The following CDYL2 variants were observed in gnomAD, a reference collection of about 807,000 sequenced individuals.
The protein encoded by CDYL2 is chromodomain Y like 2, also known as chromodomain Y-like protein 2.
A neutral mutation model predicts 49.4 loss-of-function variants in CDYL2; 23 were observed. That is an observed-to-expected ratio of 0.47 (90% CI 0.34 to 0.66). The LOEUF (loss-of-function observed/expected upper bound fraction) is 0.66. Ranked by LOEUF, CDYL2 falls within the 30% of genes least tolerant of loss-of-function variation. The probability of loss-of-function intolerance (pLI) is 0.01; values close to 1 mark genes in which losing one functional copy is unlikely to be tolerated. For missense variants in CDYL2, 678 were observed against 656.4 expected, an observed-to-expected ratio of 1.03 and a Z score of -0.36; for synonymous variants, 360 against 268.8, an observed-to-expected ratio of 1.34 and a Z score of -3.32.
At chr16:80,634,438 T>C (rs777165980) in intron 2 of CDYL2, among the ~76,000 whole-genome samples, 73 of 152,224 alleles carry the variant, frequency 4.8e-4, no homozygotes, top group Non-Finnish European at 9.0e-4. Context: ...TAGGTGGGAA[T>C]TGAACAATGA....
intron 4 of CDYL2, among the ~76,000 whole-genome samples, chr16:80,618,260 C>A (rs1167890231): frequency 1.3e-5 from 2 of 152,176 alleles, no homozygotes; most frequent in Non-Finnish European, 2.9e-5. Context: ...AAGTCAGGAG[C>A]CAGTTTGGGC....
intron 1 of CDYL2, among the ~76,000 whole-genome samples, chr16:80,803,894 T>C (rs1386178964): frequency 7.0e-6 from 1 of 143,482 alleles, no homozygotes; most frequent in Admixed American, 6.9e-5. Context: ...GCAAAGTAGA[T>C]GGAGTAAGAG....
chr16:80,796,193 T>A (rs773721336), intron 1 of CDYL2, among the ~76,000 whole-genome samples: 2 of 152,230 alleles, frequency 1.3e-5, no homozygotes, highest in African/African-American at 4.8e-5. Flanking sequence ...GCTGTCCACA[T>A]CTGGAATTTC....
chr16:80,715,232 C>A (rs1904756803), intron 1 of CDYL2, among the ~76,000 whole-genome samples: 1 of 152,112 alleles, frequency 6.6e-6, no homozygotes, highest in Non-Finnish European at 1.5e-5. Context: ...CTGACGTGGG[C>A]TCCACAGCAC....
intron 1 of CDYL2, among the ~76,000 whole-genome samples, chr16:80,757,968 T>C (rs758563435): frequency 6.6e-6 from 1 of 152,096 alleles, no homozygotes; most frequent in African/African-American, 2.4e-5. Flanking sequence ...GTGTAGTCAA[T>C]AAAACTTCGA....
chr16:80,783,080 G>C (rs150821072), intron 1 of CDYL2, among the ~76,000 whole-genome samples: 4 of 152,128 alleles, frequency 2.6e-5, no homozygotes, highest in African/African-American at 9.6e-5. Context: ...GTGCATCAAA[G>C]GACGTTGTTA....
chr16:80,662,439 T>C (rs1019521697), intron 2 of CDYL2, among the ~76,000 whole-genome samples: 1 of 152,160 alleles, frequency 6.6e-6, no homozygotes, highest in African/African-American at 2.4e-5. Flanking sequence ...TTCTGCACAT[T>C]CTTCCAGAGC....
chr16:80,648,989 A>G (rs1462702627), intron 2 of CDYL2, among the ~76,000 whole-genome samples: 1 of 152,136 alleles, frequency 6.6e-6, no homozygotes, highest in Non-Finnish European at 1.5e-5. Context: ...GAAGGAATAT[A>G]CCTCAACATA....
Position 80,599,538 on chromosome 16 carries a change from T to C in CDYL2, c.*4850A>G, listed in dbSNP as rs559189811. On this transcript the variant is annotated 3_prime_UTR_variant, in exon 7 of 7. Transcript: ENST00000570137. Reference sequence around the variant, plus strand: ...TGTCCTGCTAAACTCCAGTTTAGTATGGCTTGATACACATAGTTCATTGAT... The same window carrying C: ...TGTCCTGCTAAACTCCAGTTTAGTACGGCTTGATACACATAGTTCATTGAT... 4.6e-5 allele frequency: 7 copies of C among 152,334 alleles called. No homozygotes were observed. The highest frequency in any genetic ancestry group is 7.3e-5 in the Non-Finnish European group (5 of 68,038). The allele number at this position is 152,334 out of a possible 1,614,324, so 9.4% of individuals were successfully genotyped here. A position where few individuals can be genotyped will look rare whatever the true frequency, so the allele number is the denominator to read the frequency against.
In CDYL2 at chr16:80,704,769, G is replaced by A. The variant is rs142241397; in HGVS notation, c.25-19640C>T. On this transcript the variant is annotated intron_variant, in intron 1 of 6. Coordinates refer to ENST00000570137, the MANE Select transcript of CDYL2 (RefSeq NM_152342.4). ...AGGAGGAATGTGGCCAGTGGTCAGC[G>A]TGAGTAACAGAGAAAGGCCACGTGG... Among the ~76,000 whole-genome samples, 637 of 152,340 alleles carry A rather than the reference G, an allele frequency of 4.2e-3. 4 individuals carry two copies. Among genetic ancestry groups the A allele is most frequent in the African/African-American group, 0.014 (597 of 41,576 alleles).
chr16:80,620,216 G>C (rs1907018081), intron 4 of CDYL2, among the ~76,000 whole-genome samples: 2 of 152,238 alleles, frequency 1.3e-5, no homozygotes, highest in African/African-American at 2.4e-5. Flanking sequence ...GTTGGGACTG[G>C]ATGTCACCGC....
chr16:80,613,799 C>T (rs544568484), intron 4 of CDYL2, among the ~76,000 whole-genome samples: 53 of 152,328 alleles, frequency 3.5e-4, no homozygotes, highest in African/African-American at 1.3e-3. Context: ...TCCTTCGTTA[C>T]TTTCAGAGGA....
intron 2 of CDYL2, among the ~76,000 whole-genome samples, chr16:80,677,754 A>AT (rs1909814203): frequency 6.6e-6 from 1 of 151,434 alleles, no homozygotes. Context: ...AATAAAAATA[A>AT]AAATAAAAAT....
In CDYL2 at chr16:80,633,230, G is replaced by A. The variant is rs770332841; in HGVS notation, c.623C>T (p.Ala208Val). The change falls in exon 3 of 7, where the codon GCT becomes GTT. Residue 208 changes from alanine to valine, a missense_variant. Transcript: ENST00000570137. The part of the protein sequence containing the change: ...ATLAENGLGS[A>V]LTNGGLNLHS... ...CAGGTTCAATCCCCCGTTGGTCAGA[G>A]CAGAGCCTTCCAAAACCAGATAAAC... 1.9e-6 allele frequency: 3 copies of A among 1,612,204 alleles called. No individual in the cohort carries two copies. Among genetic ancestry groups the A allele is most frequent in the South Asian group, 2.2e-5 (2 of 91,070 alleles).
intron 2 of CDYL2, among the ~76,000 whole-genome samples, chr16:80,657,250 G>T (rs2142429098): frequency 6.6e-6 from 1 of 152,198 alleles, no homozygotes; most frequent in East Asian, 1.9e-4. Context: ...TCAGATGCAA[G>T]AAAAACATTC....
chr16:80,701,676 T>A (rs1056415662), intron 1 of CDYL2, among the ~76,000 whole-genome samples: 1 of 152,234 alleles, frequency 6.6e-6, no homozygotes, highest in Non-Finnish European at 1.5e-5. Flanking sequence ...GTATGTACCA[T>A]GTTTCTGGAT....
chr16:80,802,575 A>G (rs1222541982), intron 1 of CDYL2, among the ~76,000 whole-genome samples: 1 of 152,168 alleles, frequency 6.6e-6, no homozygotes, highest in Non-Finnish European at 1.5e-5. Context: ...TAGCATAGAG[A>G]TGAGGACGGC....
At chr16:80,617,585 C>A (rs1035404267) in intron 4 of CDYL2, among the ~76,000 whole-genome samples, 1 of 152,146 alleles carries the variant, frequency 6.6e-6, no homozygotes, top group Non-Finnish European at 1.5e-5. Flanking sequence ...GCCTCCAAGG[C>A]AGCACTCCCG....
intron 2 of CDYL2, among the ~76,000 whole-genome samples, chr16:80,653,204 G>A (rs931261605): frequency 2.6e-5 from 4 of 152,188 alleles, no homozygotes; most frequent in African/African-American, 4.8e-5. Flanking sequence ...GATGGCTCAC[G>A]CCTGTAATCC....
Sources: allele counts gnomAD v4.1 joint callset (sites outside exome capture counted in the v4.1 genomes callset), GRCh38; gene constraint gnomAD v4.1.1; transcripts MANE v1.5; gene names NCBI Gene and HGNC (gene_info 2026-07-23, HGNC 2026-07-21).